EMC2: variants seen among roughly 807,000 people sequenced by gnomAD.
The protein encoded by EMC2 is TPR repeat protein 35.
A neutral mutation model predicts 51.6 loss-of-function variants in EMC2; 37 were observed. The observed-to-expected ratio is 0.72, with a 90% CI of 0.55 to 0.94. EMC2 has a LOEUF of 0.94. EMC2 is among the 40% of genes least tolerant of loss of function. The probability of loss-of-function intolerance (pLI) is 0.00; values close to 1 mark genes in which losing one functional copy is unlikely to be tolerated. For missense variants in EMC2, 359 were observed against 350.9 expected (o/e 1.02, Z -0.18); for synonymous variants, 131 against 112.4 (o/e 1.17, Z -1.04).
chr8:108,466,267 C>G (rs958917142), intron 5 of EMC2, among the ~76,000 whole-genome samples: 10 of 152,044 alleles, frequency 6.6e-5, no homozygotes, highest in African/African-American at 2.2e-4. Context: ...AGTTAATACA[C>G]GTGACAACCA....
chr8:108,485,541 A>G (rs981229569), intron 10 of EMC2, among the ~76,000 whole-genome samples: 26 of 74,308 alleles, frequency 3.5e-4, no homozygotes, highest in Non-Finnish European at 5.3e-4. Context: ...TAATATATAT[A>G]TGTATATATA....
At chr8:108,453,546 T>C (rs1477493164) in intron 4 of EMC2, among the ~76,000 whole-genome samples, 1 of 152,102 alleles carries the variant, frequency 6.6e-6, no homozygotes, top group Non-Finnish European at 1.5e-5. Context: ...GTTCAGTTTA[T>C]CATTTTTTTT....
chr8:108,486,878 T>C lies in EMC2; in HGVS notation c.*280T>C. 4.3e-6 allele frequency: 1 copy of C among 231,922 alleles called. No homozygotes were observed. 14.4% of individuals were successfully genotyped at this position (231,922 alleles called of 1,614,324 possible). A position where few individuals can be genotyped will look rare whatever the true frequency, so the allele number is the denominator to read the frequency against. On this transcript the variant is annotated 3_prime_UTR_variant, in exon 11 of 11. Transcript: ENST00000220853. Reference sequence around the variant, plus strand: ...ATATATATAAAACTCTAATGTAGTATAACCTTGTTAAATAAACCATGATGA... The same window carrying C: ...ATATATATAAAACTCTAATGTAGTACAACCTTGTTAAATAAACCATGATGA...
rs753054286 is a variant in EMC2 at position 108,443,644 on chromosome 8, C to T, written c.-15C>T. 4 of 1,607,064 alleles carry T rather than the reference C, an allele frequency of 2.5e-6. No individual in the cohort carries two copies. The highest frequency in any genetic ancestry group is 4.5e-5 in the East Asian group (2 of 44,526). ...TCCCCGCCCTCTCACCCCGCTGCCTCTAGGTTCTGGGAAGATGGCGAAGGT... is the reference window on the plus strand; with the variant it reads ...TCCCCGCCCTCTCACCCCGCTGCCTTTAGGTTCTGGGAAGATGGCGAAGGT... On this transcript the variant is annotated 5_prime_UTR_variant, in exon 1 of 11. Transcript: ENST00000220853.
chr8:108,483,408 G>C (rs1811081328), intron 10 of EMC2, among the ~76,000 whole-genome samples: 1 of 152,148 alleles, frequency 6.6e-6, no homozygotes, highest in Non-Finnish European at 1.5e-5. Flanking sequence ...CCCACTGGGA[G>C]ACAGACAAGC....
chr8:108,448,952 A>G (rs1818947112), intron 1 of EMC2, among the ~76,000 whole-genome samples: 1 of 152,284 alleles, frequency 6.6e-6, no homozygotes, highest in Admixed American at 6.5e-5. Flanking sequence ...CTTTAAAAAC[A>G]AACTTTAAAG....
intron 7 of EMC2, among the ~76,000 whole-genome samples, chr8:108,473,183 A>G (rs770294245): frequency 1.3e-5 from 2 of 152,040 alleles, no homozygotes; most frequent in African/African-American, 4.8e-5. Context: ...TAGTTATTCC[A>G]GGGATATATG....
intron 7 of EMC2, chr8:108,473,992 C>T (rs993586588): frequency 6.6e-6 from 1 of 152,012 alleles, no homozygotes; most frequent in Non-Finnish European, 1.5e-5. Context: ...CGTGGCCTAA[C>T]AATGGCCTAG....
In EMC2 at chr8:108,469,909, A is replaced by G; in HGVS notation, c.447A>G (p.Glu149=). ...EAIRELNEYL[E]QFVGDQEAWH... is the part of the protein sequence containing the mutation. Reference sequence around the variant, plus strand: ...TTCGGGAGCTGAATGAGTATCTGGAACAGTGAGTATTTTACAAGAGGATTG... The same window carrying G: ...TTCGGGAGCTGAATGAGTATCTGGAGCAGTGAGTATTTTACAAGAGGATTG... Residue 149 remains glutamate, a splice_region_variant and synonymous_variant, in exon 6 of 11, where the codon GAA becomes GAG. Coordinates refer to ENST00000220853, the MANE Select transcript of EMC2 (RefSeq NM_014673.5). The G allele has an allele frequency of 6.2e-7, 1 of 1,609,036 alleles. No homozygotes were observed.
chr8:108,480,058 G>T (rs1320321747), intron 10 of EMC2, among the ~76,000 whole-genome samples: 3 of 151,976 alleles, frequency 2.0e-5, no homozygotes, highest in Non-Finnish European at 4.4e-5. Flanking sequence ...GATTATTCTT[G>T]GGTCAGTTTT....
intron 5 of EMC2, among the ~76,000 whole-genome samples, chr8:108,462,444 C>T (rs963029639): frequency 6.6e-6 from 1 of 152,026 alleles, no homozygotes; most frequent in Non-Finnish European, 1.5e-5. Flanking sequence ...CTGATATTTC[C>T]TCTCAGAAAC....
intron 7 of EMC2, 44 bp from the exon 8 acceptor site, chr8:108,475,838 T>G: frequency 8.9e-7 from 1 of 1,126,410 alleles, no homozygotes; most frequent in Non-Finnish European, 1.3e-6. Flanking sequence ...AAGATAAAAA[T>G]TTGTGACTTT....
chr8:108,463,900 A>C (rs1819397532), intron 5 of EMC2: 1 of 152,440 alleles, frequency 6.6e-6, no homozygotes, highest in Non-Finnish European at 1.5e-5. Context: ...ATGTGTTTGG[A>C]TTTGCAAATA....
At chr8:108,477,281 C>A (rs2291169) in intron 9 of EMC2, among the ~76,000 whole-genome samples, 29,878 of 151,806 alleles carry the variant, frequency 0.2, 3,656 homozygotes, top group East Asian at 0.41. Flanking sequence ...CATTAGAAAT[C>A]AAATCCCTAA....
chr8:108,466,961 C>T (rs1810734311), intron 5 of EMC2, among the ~76,000 whole-genome samples: 2 of 152,024 alleles, frequency 1.3e-5, no homozygotes, highest in South Asian at 4.1e-4. Flanking sequence ...ATTAAGTGTC[C>T]AGAGAGCAAG....
chr8:108,449,955 T>G lies in EMC2; in HGVS notation c.154+19T>G. 8.3e-7 allele frequency: 1 copy of G among 1,201,440 alleles called. No homozygotes were observed. The highest frequency in any genetic ancestry group is 1.3e-5 in the South Asian group (1 of 79,910). 74.4% of individuals were successfully genotyped at this position (1,201,440 alleles called of 1,614,324 possible). A position where few individuals can be genotyped will look rare whatever the true frequency, so the allele number is the denominator to read the frequency against. On this transcript the variant is annotated intron_variant, in intron 2 of 10. Coordinates refer to ENST00000220853, the MANE Select transcript of EMC2 (RefSeq NM_014673.5). ...GATGATAGTAAGTTCTTTTATTACA[T>G]TCAGGCTCAGTACATGCCTCATTCA...
intron 10 of EMC2, among the ~76,000 whole-genome samples, chr8:108,479,567 T>C (rs1342476198): frequency 6.6e-6 from 1 of 152,148 alleles, no homozygotes; most frequent in African/African-American, 2.4e-5. Flanking sequence ...CTTCTCCATT[T>C]GTATCTTAGT....
At chr8:108,450,985 T>C (rs1270884010) in intron 3 of EMC2, among the ~76,000 whole-genome samples, 1 of 152,152 alleles carries the variant, frequency 6.6e-6, no homozygotes, top group Non-Finnish European at 1.5e-5. Context: ...GCAGACCACC[T>C]GAGGTCAGGA....
intron 5 of EMC2, among the ~76,000 whole-genome samples, chr8:108,463,103 G>C (rs1381518589): frequency 6.6e-6 from 1 of 152,144 alleles, no homozygotes; most frequent in African/African-American, 2.4e-5. Flanking sequence ...GTAGCTAGAA[G>C]TACAAAAAGA....
Sources: gnomAD v4.1 joint callset for allele counts (sites outside exome capture counted in the v4.1 genomes callset) on GRCh38, gnomAD v4.1.1 for gene constraint, MANE v1.5 for transcripts, NCBI Gene and HGNC (gene_info 2026-07-23, HGNC 2026-07-21) for gene names.